EYA1: variants seen among roughly 807,000 people sequenced by gnomAD.
The protein encoded by EYA1 is protein phosphatase EYA1.
EYA1 carries 16 observed loss-of-function variants against 82.0 expected under a neutral mutation model. That is an observed-to-expected ratio of 0.20 (90% CI 0.13 to 0.30). The LOEUF (loss-of-function observed/expected upper bound fraction) is 0.30. EYA1 is among the 10% of genes least tolerant of loss of function. The pLI is 1.00. For missense variants in EYA1, 633 were observed against 730.7 expected, an observed-to-expected ratio of 0.87 and a Z score of 1.54; for synonymous variants, 261 against 264.4, an observed-to-expected ratio of 0.99 and a Z score of 0.12.
chr8:71,446,491 C>T (rs1366836040), intron 2 of EYA1, among the ~76,000 whole-genome samples: 2 of 152,092 alleles, frequency 1.3e-5, no homozygotes, highest in African/African-American at 2.4e-5. Flanking sequence ...ATTACCCAGT[C>T]CTGGGTAGTA....
chr8:71,267,769 C>A (rs999241833), intron 11 of EYA1, among the ~76,000 whole-genome samples: 1 of 152,108 alleles, frequency 6.6e-6, no homozygotes, highest in African/African-American at 2.4e-5. Flanking sequence ...AGGATGGTCT[C>A]GATCTCCTGA....
chr8:71,545,430 T>C (rs1313926863), intron 1 of EYA1, among the ~76,000 whole-genome samples: 2 of 152,206 alleles, frequency 1.3e-5, no homozygotes, highest in Non-Finnish European at 2.9e-5. Context: ...GTTACTAAGA[T>C]AACAATTAGT....
intron 9 of EYA1, among the ~76,000 whole-genome samples, chr8:71,277,380 G>A (rs183850872): frequency 6.6e-6 from 1 of 151,862 alleles, no homozygotes; most frequent in East Asian, 1.9e-4. Flanking sequence ...TTGAATTCCT[G>A]GCCTCAAAGA....
intron 3 of EYA1, among the ~76,000 whole-genome samples, chr8:71,342,274 G>C (rs1346380119): frequency 2.0e-5 from 3 of 152,140 alleles, no homozygotes; most frequent in African/African-American, 4.8e-5. Context: ...GTCCTCCACA[G>C]TTTGGCTCCA....
intron 2 of EYA1, among the ~76,000 whole-genome samples, chr8:71,462,429 C>A (rs559033469): frequency 6.6e-6 from 1 of 152,284 alleles, no homozygotes; most frequent in African/African-American, 2.4e-5. Context: ...CAGACAACCA[C>A]CCCTGAGCCT....
At chr8:71,283,632 T>C (rs998022745) in intron 9 of EYA1, among the ~76,000 whole-genome samples, 2 of 152,184 alleles carry the variant, frequency 1.3e-5, no homozygotes, top group African/African-American at 4.8e-5. Context: ...AGCCTCTCTC[T>C]TGAGGGATGT....
intron 11 of EYA1, among the ~76,000 whole-genome samples, chr8:71,267,219 C>T (rs556161802): frequency 3.9e-5 from 6 of 152,332 alleles, no homozygotes; most frequent in Admixed American, 2.6e-4. Context: ...TGGAACCTGC[C>T]TTCATCCCTG....
At chr8:71,546,155 T>G (rs1382938553) in intron 1 of EYA1, among the ~76,000 whole-genome samples, 1 of 152,130 alleles carries the variant, frequency 6.6e-6, no homozygotes, top group African/African-American at 2.4e-5. Flanking sequence ...GAGTCCTACC[T>G]GGTCTCCAAG....
At chr8:71,405,201 T>C (rs766093720) in intron 2 of EYA1, among the ~76,000 whole-genome samples, 7 of 152,200 alleles carry the variant, frequency 4.6e-5, no homozygotes, top group Non-Finnish European at 8.8e-5. Flanking sequence ...TATTTCCTTT[T>C]CTGAATCATT....
At chr8:71,241,059 A>G (rs916409106) in intron 12 of EYA1, among the ~76,000 whole-genome samples, 1 of 152,202 alleles carries the variant, frequency 6.6e-6, no homozygotes, top group African/African-American at 2.4e-5. Context: ...AGACTTAGAA[A>G]TAGGAAAGCC....
At chr8:71,207,655 A>T (rs1243283566) in intron 17 of EYA1, among the ~76,000 whole-genome samples, 3 of 151,970 alleles carry the variant, frequency 2.0e-5, no homozygotes, top group African/African-American at 7.3e-5. Flanking sequence ...GCCCTATATT[A>T]AAAAAAAGAC....
At chr8:71,322,944 T>A (rs566037049) in intron 4 of EYA1, among the ~76,000 whole-genome samples, 1 of 152,320 alleles carries the variant, frequency 6.6e-6, no homozygotes, top group South Asian at 2.1e-4. Flanking sequence ...GGTTTGCCTT[T>A]ATTTTTTAAA....
chr8:71,206,014 C>A (rs1252520262), intron 17 of EYA1, among the ~76,000 whole-genome samples: 1 of 151,944 alleles, frequency 6.6e-6, no homozygotes, highest in Non-Finnish European at 1.5e-5. Flanking sequence ...TGCTCAGGAG[C>A]TAAAGCACAT....
At chr8:71,294,599 A>G (rs1247510289) in intron 9 of EYA1, among the ~76,000 whole-genome samples, 1 of 152,240 alleles carries the variant, frequency 6.6e-6, no homozygotes, top group Non-Finnish European at 1.5e-5. Context: ...AAGAAGATAT[A>G]AATAAATGGA....
intron 3 of EYA1, among the ~76,000 whole-genome samples, 170 bp downstream of exon 3, chr8:71,354,612 A>G (rs576359909): frequency 2.2e-4 from 33 of 152,352 alleles, no homozygotes; most frequent in African/African-American, 7.7e-4. Flanking sequence ...AACTGGAAAC[A>G]TGAAGCTCCT....
At chr8:71,519,178 A>G (rs1813205346) in intron 2 of EYA1, among the ~76,000 whole-genome samples, 1 of 152,202 alleles carries the variant, frequency 6.6e-6, no homozygotes, top group African/African-American at 2.4e-5. Context: ...GTTGGAAGAC[A>G]AAAAACATTT....
chr8:71,381,104 TC>T (rs1828676765), intron 2 of EYA1, among the ~76,000 whole-genome samples: 1 of 152,150 alleles, frequency 6.6e-6, no homozygotes, highest in Admixed American at 6.5e-5. Flanking sequence ...AAAGCTCGAA[TC>T]CATAAAGCAG....
At chr8:71,473,871 T>C (rs750449415) in intron 2 of EYA1, among the ~76,000 whole-genome samples, 11 of 151,972 alleles carry the variant, frequency 7.2e-5, no homozygotes, top group Admixed American at 3.3e-4. Context: ...TATGCAGCCA[T>C]AAAAAGGATG....
chr8:71,439,638 G>A (rs148761891), intron 2 of EYA1, among the ~76,000 whole-genome samples: 20 of 152,264 alleles, frequency 1.3e-4, no homozygotes, highest in Non-Finnish European at 2.4e-4. Context: ...TGGTGTTAGC[G>A]GCATGGAAAT....
Sources: gnomAD v4.1 joint callset for allele counts (sites outside exome capture counted in the v4.1 genomes callset) on GRCh38, gnomAD v4.1.1 for gene constraint, MANE v1.5 for transcripts, NCBI Gene and HGNC (gene_info 2026-07-23, HGNC 2026-07-21) for gene names.